The following AIFM2 variants were observed in gnomAD, a reference collection of about 807,000 sequenced individuals.
AIFM2 encodes the protein AIF family member 2, ferroptosis suppressor, also known as ferroptosis suppressor protein 1.
In AIFM2, 38 loss-of-function variants were observed where a neutral mutation model predicts 35.7. The ratio of observed to expected loss-of-function variants is 1.06; its 90% CI spans 0.82 to 1.39. The LOEUF is 1.39. Ranked by LOEUF, AIFM2 falls within the 40% of genes most tolerant of loss-of-function variation. AIFM2 has a pLI of 0.00. For synonymous variants in AIFM2, 185 were observed against 203.5 expected (o/e 0.91, Z 0.77); for missense variants, 476 against 491.2 (o/e 0.97, Z 0.29).
At chr10:70,129,613 C>G (rs2072606082) in intron 1 of AIFM2, among the ~76,000 whole-genome samples, 1 of 152,160 alleles carries the variant, frequency 6.6e-6, no homozygotes, top group Admixed American at 6.6e-5. Context: ...GTTCAATTCT[C>G]AACACATCAA....
rs1285354712 is a variant in AIFM2, at chr10:70,116,759, T to C, written c.632A>G (p.Asn211Ser). Residue 211 changes from asparagine (N) to serine (S), a missense_variant, in exon 7 of 9, where the codon AAT (asparagine) becomes AGT (serine). By Grantham distance (46) the Asn-to-Ser change is conservative (BLOSUM62 1). Transcript: ENST00000307864. ...CTCATTGAGAGGCAGCTCCTCCAGA[T>C]TGCTCACCCGCTCACCTAGAAGGGG... ...VQLLLSERVS[N>S]LEELPLNEYR... is the part of the protein sequence containing the mutation. The C allele has an allele frequency of 6.2e-7, 1 of 1,613,932 alleles. No homozygotes were observed. The highest frequency in any genetic ancestry group is 8.5e-7 in the Non-Finnish European group (1 of 1,179,978).
chr10:70,117,714 G>T lies in AIFM2; in HGVS notation c.616+98C>A. ...AGTGGAAAAGAGAGAGCCTGGGGTG[G>T]ACCATAGCCACCCTCCTGCTGGAAG... is the stretch of plus-strand genomic sequence containing the variant. On this transcript the variant is annotated intron_variant, in intron 6 of 8. Transcript: ENST00000307864. This position sits in a 1 kb window ranked among gnomAD's most constrained non-coding sequence, Gnocchi z 4.7. 1 of 978,900 alleles carries T rather than the reference G, an allele frequency of 1.0e-6. No homozygotes were observed. Among genetic ancestry groups the T allele is most frequent in the South Asian group, 1.6e-5 (1 of 61,296 alleles). The allele number at this position is 978,900 out of a possible 1,614,324, so 60.6% of individuals were successfully genotyped here.
intron 1 of AIFM2, among the ~76,000 whole-genome samples, chr10:70,128,607 C>G (rs1227065307): frequency 2.0e-5 from 3 of 152,226 alleles, no homozygotes; most frequent in Non-Finnish European, 4.4e-5. Flanking sequence ...AAGTGATCGG[C>G]CTGCCTCGAC....
At chr10:70,123,133 TC>T (rs749408615) in intron 3 of AIFM2, among the ~76,000 whole-genome samples, 19 of 152,098 alleles carry the variant, frequency 1.2e-4, no homozygotes, top group Non-Finnish European at 2.6e-4. Context: ...CAAGCAATTC[TC>T]CAGCCTCCTG....
chr10:70,116,764 C>T lies in AIFM2; in HGVS notation c.627G>A (p.Val209=). 3.1e-6 allele frequency: 5 copies of T among 1,614,132 alleles called. No individual in the cohort carries two copies. Among genetic ancestry groups the T allele is most frequent in the Non-Finnish European group, 3.4e-6 (4 of 1,179,986 alleles). ...TGAGAGGCAGCTCCTCCAGATTGCT[C>T]ACCCGCTCACCTAGAAGGGGGTTCA... The part of the protein sequence containing the change: ...KGVQLLLSER[V]SNLEELPLNE... Residue 209 remains valine (V), a synonymous_variant, in exon 7 of 9, where the codon GTG becomes GTA. Coordinates refer to ENST00000307864, the MANE Select transcript of AIFM2 (RefSeq NM_032797.6).
chr10:70,113,986 T>C lies in AIFM2; in HGVS notation c.*192A>G. The C allele has an allele frequency of 5.7e-6, 4 of 698,766 alleles. No individual in the cohort carries two copies. In the South Asian group the frequency reaches 8.3e-5, roughly 15 times the overall value. 43.3% of individuals were successfully genotyped at this position (698,766 alleles called of 1,614,324 possible). A position where few individuals can be genotyped will look rare whatever the true frequency, so the allele number is the denominator to read the frequency against. The stretch of plus-strand genomic sequence containing the variant: ...CCTTCCAAACCCAGAAAGTATCCTC[T>C]AAGGGGGGTATTTGTTTAATACCTC... On this transcript the variant is annotated 3_prime_UTR_variant, in exon 9 of 9. Coordinates refer to ENST00000307864, the MANE Select transcript of AIFM2 (RefSeq NM_032797.6).
intron 7 of AIFM2, 33 bp downstream of exon 7, chr10:70,116,589 G>A: frequency 6.2e-7 from 1 of 1,611,602 alleles, no homozygotes; most frequent in Non-Finnish European, 8.5e-7. Context: ...GAGCAAGGAG[G>A]CACAGGGGAA....
chr10:70,119,223 CTT>C (rs1275287725), intron 5 of AIFM2, among the ~76,000 whole-genome samples: 1 of 152,188 alleles, frequency 6.6e-6, no homozygotes, highest in African/African-American at 2.4e-5. Context: ...TTAAAACATC[CTT>C]CGTCATAAAT....
intron 1 of AIFM2, among the ~76,000 whole-genome samples, chr10:70,126,039 T>C (rs535451308): frequency 9.9e-5 from 15 of 152,234 alleles, no homozygotes; most frequent in Non-Finnish European, 1.8e-4. Context: ...GCCCAGGGGC[T>C]GGCCTGGGGC....
At chr10:70,125,824 G>C (rs1275640324) in intron 1 of AIFM2, among the ~76,000 whole-genome samples, 1 of 152,158 alleles carries the variant, frequency 6.6e-6, no homozygotes, top group Admixed American at 6.5e-5. Flanking sequence ...ACCTCTTTTG[G>C]GGGTCGGGTC....
At chr10:70,122,594 C>A (rs2072521379) in intron 3 of AIFM2, among the ~76,000 whole-genome samples, 2 of 152,182 alleles carry the variant, frequency 1.3e-5, no homozygotes, top group South Asian at 2.1e-4. Context: ...TGAAGGGAAA[C>A]CTCTGCCCCA....
In AIFM2 at chr10:70,116,750, T is replaced by G; in HGVS notation, c.641A>C (p.Glu214Ala). The G allele has an allele frequency of 6.2e-7, 1 of 1,614,122 alleles. No homozygotes were observed. The highest frequency in any genetic ancestry group is 8.5e-7 in the Non-Finnish European group (1 of 1,179,994). ...LLSERVSNLE[E>A]LPLNEYREYI... The stretch of plus-strand genomic sequence containing the variant: ...CTCTCGATACTCATTGAGAGGCAGC[T>G]CCTCCAGATTGCTCACCCGCTCACC... The change falls in exon 7 of 9, where the codon GAG becomes GCG. Residue 214 changes from glutamate (E) to alanine (A), a missense_variant. Physicochemically the swap from Glu to Ala is moderately radical, Grantham distance 107 (BLOSUM62 -1). Transcript: ENST00000307864.
chr10:70,132,796 C>A lies in AIFM2; in HGVS notation c.-76G>T, dbSNP rs966955901. 4 of 153,278 alleles carry A rather than the reference C, an allele frequency of 2.6e-5. No individual in the cohort carries two copies. The highest frequency in any genetic ancestry group is 1.8e-4 in the South Asian group (1 of 5,430). The allele number at this position is 153,278 out of a possible 1,614,324, so 9.5% of individuals were successfully genotyped here. ...GCTCCCGCTCCCGCTCCCGCTTGGT[C>A]GTCTTCCCGAGTTACTGACCCGAGG... On this transcript the variant is annotated 5_prime_UTR_variant, in exon 1 of 9. Transcript: ENST00000307864.
chr10:70,130,091 G>A (rs758674477), intron 1 of AIFM2, among the ~76,000 whole-genome samples: 1 of 152,162 alleles, frequency 6.6e-6, no homozygotes. Flanking sequence ...GCTGAGGTGG[G>A]AGGATCGCTT....
chr10:70,123,593 C>T (rs891703077), intron 2 of AIFM2, 73 bp from the exon 3 acceptor site: 4 of 1,358,068 alleles, frequency 2.9e-6, no homozygotes, highest in Middle Eastern at 1.8e-4. Context: ...GACTCAGAAC[C>T]TTTCACGAGC....
chr10:70,119,279 T>C lies in AIFM2; in HGVS notation c.507+1228A>G, dbSNP rs1589847691. 2.6e-5 allele frequency among the ~76,000 whole-genome samples: 4 copies of C among 152,324 alleles called. No individual in the cohort carries two copies. In the East Asian group the frequency reaches 7.7e-4, roughly 29 times the overall value. ...TGTCTCCCTGGCTTCCATCAGCTGC[T>C]CTAGCAAATTATTTAACCCAAGGAG... is the stretch of plus-strand genomic sequence containing the variant. On this transcript the variant is annotated intron_variant, in intron 5 of 8. Coordinates refer to ENST00000307864, the MANE Select transcript of AIFM2 (RefSeq NM_032797.6).
chr10:70,115,945 C>T (rs2072431029), intron 7 of AIFM2, among the ~76,000 whole-genome samples: 1 of 152,182 alleles, frequency 6.6e-6, no homozygotes, highest in South Asian at 2.1e-4. Context: ...CCCACTGCTA[C>T]ACACAGCCTG....
chr10:70,126,015 CCAGA>C (rs1431247202), intron 1 of AIFM2, among the ~76,000 whole-genome samples: 10 of 152,258 alleles, frequency 6.6e-5, no homozygotes, highest in African/African-American at 2.4e-4. Context: ...AGAGTCTGCC[CCAGA>C]CAGAGGAGGG....
intron 7 of AIFM2, 109 bp downstream of exon 7, chr10:70,116,513 A>AG: frequency 7.3e-7 from 1 of 1,377,094 alleles, no homozygotes; most frequent in Admixed American, 1.7e-5. Context: ...TTGGGAAGAA[A>AG]GGGGGAAGGC....
Sources: gnomAD v4.1 joint callset for allele counts (sites outside exome capture counted in the v4.1 genomes callset) on GRCh38, gnomAD v4.1.1 for gene constraint, Gnocchi (gnomAD v3.1) non-coding constraint, MANE v1.5 for transcripts, NCBI Gene and HGNC (gene_info 2026-07-23, HGNC 2026-07-21) for gene names.